ZNF506: variants seen among roughly 807,000 people sequenced by gnomAD.
ZNF506 encodes zinc finger protein 506.
ZNF506 carries 10 observed loss-of-function variants against 11.6 expected under a neutral mutation model. The observed-to-expected ratio is 0.86, with a 90% CI of 0.53 to 1.46. ZNF506 has a LOEUF of 1.46. ZNF506 is among the 40% of genes most tolerant of loss of function. The pLI is 0.00. For synonymous variants in ZNF506, 156 were observed against 173.3 expected, an observed-to-expected ratio of 0.90 and a Z score of 0.78; for missense variants, 425 against 521.2, an observed-to-expected ratio of 0.82 and a Z score of 1.80.
intron 2 of ZNF506, 31 bp from the exon 3 acceptor site, chr19:19,806,157 T>G (rs921353244): frequency 6.7e-7 from 1 of 1,500,000 alleles, no homozygotes; most frequent in Admixed American, 1.9e-5. Flanking sequence ...AATATGAATC[T>G]TGCTCATATT....
intron 3 of ZNF506, among the ~76,000 whole-genome samples, chr19:19,800,112 T>C (rs1360596229): frequency 1.3e-5 from 2 of 152,084 alleles, no homozygotes; most frequent in Non-Finnish European, 2.9e-5. Flanking sequence ...AATACTGGCA[T>C]ATCACTCAGT....
intron 1 of ZNF506, among the ~76,000 whole-genome samples, chr19:19,816,086 C>T (rs1173780913): frequency 6.6e-6 from 1 of 152,100 alleles, no homozygotes; most frequent in Non-Finnish European, 1.5e-5. Flanking sequence ...TTACCTATCA[C>T]ACAGCCAGAC....
chr19:19,795,829 C>A (rs371958378), intron 3 of ZNF506, 169 bp from the exon 4 acceptor site: 1 of 670,808 alleles, frequency 1.5e-6, no homozygotes. Context: ...ACATACTGAC[C>A]AAAATACATT....
intron 3 of ZNF506, among the ~76,000 whole-genome samples, chr19:19,802,047 A>G (rs1033918059): frequency 2.0e-5 from 3 of 151,726 alleles, no homozygotes; most frequent in Admixed American, 6.6e-5. Context: ...TCTACTAAAA[A>G]CAGAAAAATT....
At chr19:19,808,051 ACT>A (rs1416900841) in intron 1 of ZNF506, among the ~76,000 whole-genome samples, 1 of 150,494 alleles carries the variant, frequency 6.6e-6, no homozygotes, top group Non-Finnish European at 1.5e-5. Context: ...AATAAAAATA[ACT>A]CTATAGTGAA....
chr19:19,820,131 C>G (rs914750076), intron 1 of ZNF506: 3 of 151,742 alleles, frequency 2.0e-5, no homozygotes, highest in African/African-American at 7.3e-5. Context: ...ATGGGGTACA[C>G]CTGAGGCCCT....
chr19:19,812,871 A>G (rs2062893591), intron 1 of ZNF506, among the ~76,000 whole-genome samples: 1 of 152,234 alleles, frequency 6.6e-6, no homozygotes, highest in South Asian at 2.1e-4. Context: ...AGCTACTCTC[A>G]GCATGAGAAA....
chr19:19,814,421 A>ATAAT (rs1371118301), intron 1 of ZNF506, among the ~76,000 whole-genome samples: 1 of 150,492 alleles, frequency 6.6e-6, no homozygotes, highest in Non-Finnish European at 1.5e-5. Flanking sequence ...AATAATAATA[A>ATAAT]TAATAATAAT....
In ZNF506 at chr19:19,793,700, C is replaced by T. The variant is rs952394134; in HGVS notation, c.*852G>A. On this transcript the variant is annotated 3_prime_UTR_variant, in exon 4 of 4. Coordinates refer to ENST00000540806, the MANE Select transcript of ZNF506 (RefSeq NM_001099269.3). ...TTGAGATGTGAGTGGGCGTTAATGG[C>T]GTTTCCATATTCTTTATATCTGTAC... The T allele has an allele frequency of 2.6e-5, 4 of 152,092 alleles. No homozygotes were observed. Among genetic ancestry groups the T allele is most frequent in the South Asian group, 2.1e-4 (1 of 4,820 alleles). The allele number at this position is 152,092 out of a possible 1,614,324, so 9.4% of individuals were successfully genotyped here.
intron 3 of ZNF506, among the ~76,000 whole-genome samples, chr19:19,800,530 C>T (rs190527718): frequency 1.3e-5 from 2 of 151,178 alleles, no homozygotes; most frequent in African/African-American, 4.9e-5. Context: ...AATTCCCCTG[C>T]GTCACCCTCC....
chr19:19,821,738 A>AC lies in ZNF506; in HGVS notation c.-136_-135insG. 2 of 1,189,632 alleles carry AC rather than the reference A, an allele frequency of 1.7e-6. No individual in the cohort carries two copies. The highest frequency in any genetic ancestry group is 2.5e-6 in the Non-Finnish European group (2 of 808,822). The allele number at this position is 1,189,632 out of a possible 1,614,324, so 73.7% of individuals were successfully genotyped here. On this transcript the variant is annotated 5_prime_UTR_variant, in exon 1 of 4. Transcript: ENST00000540806. ...AGACGATAGCTGGATCTCTGGCGTC[A>AC]GCGAGAGACAATGGGCCCGCCAAAG...
intron 3 of ZNF506, among the ~76,000 whole-genome samples, chr19:19,802,266 A>T (rs2062801200): frequency 6.6e-6 from 1 of 152,132 alleles, no homozygotes; most frequent in East Asian, 1.9e-4. Context: ...CTGTGTACTC[A>T]TTAAATGCAG....
In ZNF506 at chr19:19,795,165, G is replaced by T; in HGVS notation, c.722C>A (p.Ser241Tyr). 6.2e-7 allele frequency: 1 copy of T among 1,613,122 alleles called. No homozygotes were observed. The highest frequency in any genetic ancestry group is 1.1e-5 in the South Asian group (1 of 91,044). Residue 241 changes from serine to tyrosine, a missense_variant, in exon 4 of 4, where the codon TCC becomes TAC. Transcript: ENST00000540806. ...CEECGKAYKQ[S>Y]CNLTTHKIIH... ...TATCTTATGTGTAGTAAGGTTACAG[G>T]ACTGCTTATAGGCTTTGCCACATTC...
In ZNF506 at chr19:19,793,423, T is replaced by G. The variant is rs961987762; in HGVS notation, c.*1129A>C. 1.3e-5 allele frequency among the ~76,000 whole-genome samples: 2 copies of G among 152,162 alleles called. No individual in the cohort carries two copies. The highest frequency in any genetic ancestry group is 2.9e-5 in the Non-Finnish European group (2 of 68,018). On this transcript the variant is annotated 3_prime_UTR_variant, in exon 4 of 4. Coordinates refer to ENST00000540806, the MANE Select transcript of ZNF506 (RefSeq NM_001099269.3). The stretch of plus-strand genomic sequence containing the variant: ...AAAAAAAAAGTCTTTCCAAATTCAT[T>G]ATATTTGCAGGACTCTTCTCCAATA...
chr19:19,799,542 A>G (rs1021347341), intron 3 of ZNF506: 1 of 556,086 alleles, frequency 1.8e-6, no homozygotes, highest in Admixed American at 3.4e-5. Flanking sequence ...AGAGTATAAG[A>G]CAATAATATA....
At chr19:19,805,232 TATAACATTAAATA>T (rs770403368) in intron 3 of ZNF506, among the ~76,000 whole-genome samples, 2 of 152,078 alleles carry the variant, frequency 1.3e-5, no homozygotes, top group Non-Finnish European at 2.9e-5. Flanking sequence ...TCTTATTTAC[TATAACATTAAATA>T]ATAAATTTCT....
At chr19:19,802,331 G>T (rs773076739) in intron 3 of ZNF506, among the ~76,000 whole-genome samples, 75 of 152,174 alleles carry the variant, frequency 4.9e-4, no homozygotes, top group Non-Finnish European at 8.8e-4. Flanking sequence ...GAGAATATAT[G>T]CAGTGTAATT....
rs1168356468 is a variant in ZNF506, at chr19:19,793,882, A to G, written c.*670T>C. 1 of 152,202 alleles carries G rather than the reference A, an allele frequency of 6.6e-6. No homozygotes were observed. Among genetic ancestry groups the G allele is most frequent in the Non-Finnish European group, 1.5e-5 (1 of 68,062 alleles). The allele number at this position is 152,202 out of a possible 1,614,324, so 9.4% of individuals were successfully genotyped here. On this transcript the variant is annotated 3_prime_UTR_variant, in exon 4 of 4. Coordinates refer to ENST00000540806, the MANE Select transcript of ZNF506 (RefSeq NM_001099269.3). Reference sequence around the variant, plus strand: ...ATAAACGCTTTGTCTCATTTCATACATTTCCAGGGTTTCACATTAGTATAA... The same window carrying G: ...ATAAACGCTTTGTCTCATTTCATACGTTTCCAGGGTTTCACATTAGTATAA...
At chr19:19,798,640 G>GC (rs1477170047) in intron 3 of ZNF506, 1 of 119,126 alleles carries the variant, frequency 8.4e-6, no homozygotes, top group Non-Finnish European at 1.6e-5. Flanking sequence ...GGGCGACAGA[G>GC]CGAGACTCCG....
Sources: allele counts gnomAD v4.1 joint callset (sites outside exome capture counted in the v4.1 genomes callset), GRCh38; gene constraint gnomAD v4.1.1; transcripts MANE v1.5; gene names NCBI Gene and HGNC (gene_info 2026-07-23, HGNC 2026-07-21).